ARHGAP32: variants seen among roughly 807,000 people sequenced by gnomAD.
ARHGAP32 encodes the protein rho GTPase-activating protein 32.
A neutral mutation model predicts 186.5 loss-of-function variants in ARHGAP32; 51 were observed. That is an observed-to-expected ratio of 0.27 (90% confidence interval 0.22 to 0.35). The LOEUF (loss-of-function observed/expected upper bound fraction) is 0.35. Ranked by LOEUF, ARHGAP32 falls within the 10% of genes least tolerant of loss-of-function variation. The pLI, the probability that ARHGAP32 is intolerant of heterozygous loss-of-function variation, is 1.00. For missense variants in ARHGAP32, 2,186 were observed against 2,623.5 expected (o/e 0.83, Z 3.64); for synonymous variants, 950 against 964.3 (o/e 0.99, Z 0.27).
chr11:129,267,594 G>A (rs1945420856), intron 1 of ARHGAP32, among the ~76,000 whole-genome samples: 1 of 152,026 alleles, frequency 6.6e-6, no homozygotes, highest in Non-Finnish European at 1.5e-5. Flanking sequence ...TCTGATCTAG[G>A]TTACTATGGA....
At chr11:129,195,384 A>T (rs1944378585), upstream of ARHGAP32, among the ~76,000 whole-genome samples, 1 of 152,130 alleles carries the variant, frequency 6.6e-6, no homozygotes, top group African/African-American at 2.4e-5. Flanking sequence ...AAAAGTGAAA[A>T]CGTGAACTGT....
chr11:129,106,786 T>C (rs1942059744), intron 5 of ARHGAP32, among the ~76,000 whole-genome samples: 1 of 152,118 alleles, frequency 6.6e-6, no homozygotes, highest in African/African-American at 2.4e-5. Context: ...AGATAAAATG[T>C]AATGAACAGA....
intron 1 of ARHGAP32, among the ~76,000 whole-genome samples, chr11:129,254,866 G>A (rs1945232707): frequency 6.6e-6 from 1 of 152,072 alleles, no homozygotes; most frequent in Admixed American, 6.5e-5. Flanking sequence ...TAAATGTGAT[G>A]TATTGTGTGT....
intron 2 of ARHGAP32, among the ~76,000 whole-genome samples, chr11:129,130,481 A>T (rs1416871010): frequency 6.6e-6 from 1 of 152,092 alleles, no homozygotes; most frequent in Non-Finnish European, 1.5e-5. Flanking sequence ...CAAACAAGGA[A>T]GTTATACTCA....
chr11:129,116,387 T>C (rs1352625466), intron 5 of ARHGAP32, among the ~76,000 whole-genome samples: 1 of 152,082 alleles, frequency 6.6e-6, no homozygotes, highest in African/African-American at 2.4e-5. Context: ...TAGATGACAG[T>C]GGAACTGATG....
chr11:128,970,952 A>C lies in ARHGAP32; in HGVS notation c.4261T>G (p.Cys1421Gly). ...GGGGGCAGTGGTGCAGGAAAGCCAC[A>C]GGGATGCGCAGGGACAGACTCGGCG... is the stretch of plus-strand genomic sequence containing the variant. ...LRAESVPAHPCGFPAPLPPTR... is the reference protein window; with the variant it reads ...LRAESVPAHPGGFPAPLPPTR... Residue 1421 changes from cysteine (C) to glycine (G), a missense_variant, in exon 23 of 23, where the codon TGT becomes GGT. Physicochemically the swap from Cys to Gly is radical, Grantham distance 159 (BLOSUM62 -3). Around this residue, in one of 5 missense-constraint regions of ARHGAP32, gnomAD observed 1,502 missense variants for 1,570.0 expected, o/e 0.96. Transcript: ENST00000682385. This position sits in a 1 kb window ranked among gnomAD's most constrained non-coding sequence, Gnocchi z 5.8. 6.2e-7 allele frequency: 1 copy of C among 1,613,926 alleles called. No individual in the cohort carries two copies. The highest frequency in any genetic ancestry group is 8.5e-7 in the Non-Finnish European group (1 of 1,179,946).
chr11:129,170,001 T>C (rs989776087), intron 1 of ARHGAP32, among the ~76,000 whole-genome samples: 6 of 152,068 alleles, frequency 3.9e-5, no homozygotes, highest in African/African-American at 1.4e-4. Context: ...GTTGATATAA[T>C]GAACACAGTT....
chr11:129,256,617 G>C (rs1945257728), intron 1 of ARHGAP32, among the ~76,000 whole-genome samples: 1 of 152,080 alleles, frequency 6.6e-6, no homozygotes, highest in Admixed American at 6.6e-5. Context: ...CAAGTCTAAA[G>C]GAAATAATTC....
chr11:129,193,671 T>TA (rs1296359780), upstream of ARHGAP32, among the ~76,000 whole-genome samples: 313 of 49,040 alleles, frequency 6.4e-3, no homozygotes, highest in Non-Finnish European at 8.4e-3. Context: ...ATATATTATA[T>TA]ATAATATATA....
chr11:129,243,280 T>G (rs1188871732), intron 1 of ARHGAP32, among the ~76,000 whole-genome samples: 2 of 152,194 alleles, frequency 1.3e-5, no homozygotes, highest in Non-Finnish European at 2.9e-5. Flanking sequence ...ATATAAGGTT[T>G]AGAAATCTGT....
intron 12 of ARHGAP32, among the ~76,000 whole-genome samples, chr11:128,989,337 GA>G (rs1945969395): frequency 6.6e-6 from 1 of 151,958 alleles, no homozygotes; most frequent in African/African-American, 2.4e-5. Flanking sequence ...CATACTCTCT[GA>G]TTTTCAGAGA....
At chr11:129,031,231 A>G (rs1428537357) in intron 11 of ARHGAP32, among the ~76,000 whole-genome samples, 1 of 152,212 alleles carries the variant, frequency 6.6e-6, no homozygotes, top group African/African-American at 2.4e-5. Context: ...GATACTCATG[A>G]ATTTAAATAA....
intron 15 of ARHGAP32, among the ~76,000 whole-genome samples, chr11:128,982,994 C>T (rs939021679): frequency 2.6e-5 from 4 of 151,438 alleles, no homozygotes; most frequent in African/African-American, 9.7e-5. Flanking sequence ...GGTCTACATC[C>T]GAGCCACAAA....
intron 18 of ARHGAP32, 130 bp downstream of exon 18, chr11:128,980,423 A>G (rs976933501): frequency 4.0e-5 from 25 of 618,176 alleles, no homozygotes; most frequent in Non-Finnish European, 6.6e-5. Context: ...TCGAATAAAC[A>G]GGTTTCTCTG....
rs768318820 is a variant in ARHGAP32, at chr11:128,973,060, G to C, written c.3446C>G (p.Thr1149Arg). The change falls in exon 22 of 23, where the codon ACA becomes AGA. Residue 1149 changes from threonine to arginine, a missense_variant. Thr to Arg is a moderately conservative substitution (Grantham distance 71). Transcript: ENST00000682385. ...TATGDPTHSNTTESGEQHHQV... is the reference protein window; with the variant it reads ...TATGDPTHSNRTESGEQHHQV... ...GTGATGTTGCTCCCCAGATTCAGTT[G>C]TGTTGGAATGGGTAGGATCCCCAGT... 1 of 1,614,024 alleles carries C rather than the reference G, an allele frequency of 6.2e-7. No homozygotes were observed. The highest frequency in any genetic ancestry group is 1.3e-5 in the African/African-American group (1 of 74,910).
chr11:129,127,431 C>T (rs1458413138), intron 2 of ARHGAP32, among the ~76,000 whole-genome samples: 1 of 152,060 alleles, frequency 6.6e-6, no homozygotes, highest in African/African-American at 2.4e-5. Context: ...ATGTTCTGTC[C>T]AGCAATATTT....
rs548085069 is a variant in ARHGAP32 at position 129,276,344 on chromosome 11, A to T, written c.-5+2802T>A. 3.2e-3 allele frequency among the ~76,000 whole-genome samples: 493 copies of T among 152,334 alleles called. 1 individual carries two copies. Among genetic ancestry groups the T allele is most frequent in the African/African-American group, 0.011 (475 of 41,568 alleles). ...GAGACAGGATCTCACTCTGTTGACC[A>T]GGCTCAAGGGCAGTGGCACAATGAT... On this transcript the variant is annotated intron_variant, in intron 1 of 6. Transcript: ENST00000525234.
At chr11:129,170,872 T>G (rs1011387719) in intron 1 of ARHGAP32, among the ~76,000 whole-genome samples, 1 of 152,208 alleles carries the variant, frequency 6.6e-6, no homozygotes, top group Non-Finnish European at 1.5e-5. Context: ...CTGACTGGCG[T>G]GAGATGGTGT....
chr11:129,059,324 A>G (rs1591576841), intron 10 of ARHGAP32, among the ~76,000 whole-genome samples: 1 of 152,092 alleles, frequency 6.6e-6, no homozygotes, highest in East Asian at 1.9e-4. Flanking sequence ...ATTAAAGAAA[A>G]CACTGCATGT....
Sources: gnomAD v4.1 joint callset for allele counts (sites outside exome capture counted in the v4.1 genomes callset) on GRCh38, gnomAD v4.1.1 for gene constraint, gnomAD v4.1.1 regional missense constraint, Gnocchi (gnomAD v3.1) non-coding constraint, MANE v1.5 for transcripts, NCBI Gene and HGNC (gene_info 2026-07-23, HGNC 2026-07-21) for gene names.